The following FHOD3 variants were observed in gnomAD, a reference collection of about 807,000 sequenced individuals.
FHOD3 encodes formin homology 2 domain containing 3, also known as FH1/FH2 domain-containing protein 3.
A neutral mutation model predicts 173.0 loss-of-function variants in FHOD3; 90 were observed. The ratio of observed to expected loss-of-function variants is 0.52; its 90% CI spans 0.44 to 0.62. The LOEUF is 0.62. Among genes scored for constraint, FHOD3 ranks in the 20% least tolerant of loss-of-function variants. FHOD3 has a pLI of 0.00. For missense variants in FHOD3, 1,945 were observed against 2,034.7 expected (o/e 0.96, Z 0.85); for synonymous variants, 828 against 823.0 (o/e 1.01, Z -0.10).
chr18:36,744,085 A>G lies in FHOD3; in HGVS notation c.3933A>G (p.Thr1311=). The change falls in exon 23 of 29, where the codon ACA becomes ACG. Residue 1311 remains threonine, a synonymous_variant. Transcript: ENST00000590592. ...YLEKVPEVKD[T]VHKQSLLHHV... is the part of the protein sequence containing the mutation. Reference sequence around the variant, plus strand: ...AGAAGGTTCCAGAAGTCAAAGACACAGTGCACAAGCAGTCGCTTCTCCACC... The same window carrying G: ...AGAAGGTTCCAGAAGTCAAAGACACGGTGCACAAGCAGTCGCTTCTCCACC... 2 of 1,614,228 alleles carry G rather than the reference A, an allele frequency of 1.2e-6. No individual in the cohort carries two copies. Among genetic ancestry groups the G allele is most frequent in the Non-Finnish European group, 1.7e-6 (2 of 1,180,042 alleles).
chr18:36,310,449 G>T (rs1445798306), intron 1 of FHOD3, among the ~76,000 whole-genome samples: 1 of 152,138 alleles, frequency 6.6e-6, no homozygotes, highest in Non-Finnish European at 1.5e-5. Flanking sequence ...ACTTCAGGAG[G>T]TTGAGGTGGG....
At chr18:36,678,378 A>G (rs1021219076) in intron 14 of FHOD3, among the ~76,000 whole-genome samples, 3 of 151,962 alleles carry the variant, frequency 2.0e-5, no homozygotes, top group Non-Finnish European at 4.4e-5. Flanking sequence ...CTCTACAAAA[A>G]ACACAAAAAT....
At chr18:36,599,829 C>T (rs749124413) in intron 7 of FHOD3, among the ~76,000 whole-genome samples, 44 of 152,064 alleles carry the variant, frequency 2.9e-4, no homozygotes, top group Non-Finnish European at 5.1e-4. Flanking sequence ...ATTTGAGTAT[C>T]TATCATGTAA....
chr18:36,374,929 T>A (rs2047365502), intron 3 of FHOD3, among the ~76,000 whole-genome samples: 1 of 152,246 alleles, frequency 6.6e-6, no homozygotes, highest in Non-Finnish European at 1.5e-5. Flanking sequence ...TTATGTCAGA[T>A]GAGAGGATTT....
At chr18:36,462,117 G>T (rs2052590032) in intron 3 of FHOD3, among the ~76,000 whole-genome samples, 1 of 152,122 alleles carries the variant, frequency 6.6e-6, no homozygotes, top group Non-Finnish European at 1.5e-5. Context: ...AGTAGAAAGT[G>T]CTGAGCTGCC....
chr18:36,642,852 A>T (rs28503550), intron 10 of FHOD3, among the ~76,000 whole-genome samples: 10,767 of 152,032 alleles, frequency 0.071, 663 homozygotes, highest in East Asian at 0.24. Flanking sequence ...ATATGTGTTT[A>T]TCACTGTCTT....
At chr18:36,415,607 T>C (rs2049596888) in intron 3 of FHOD3, among the ~76,000 whole-genome samples, 1 of 152,238 alleles carries the variant, frequency 6.6e-6, no homozygotes, top group African/African-American at 2.4e-5. Context: ...ACTTAATTGG[T>C]TGATTATTTT....
chr18:36,770,321 A>G (rs1368449421), intron 28 of FHOD3, among the ~76,000 whole-genome samples: 1 of 152,244 alleles, frequency 6.6e-6, no homozygotes, highest in Non-Finnish European at 1.5e-5. Flanking sequence ...CCAGCTAGGC[A>G]GGGAGTTGAG....
chr18:36,520,186 T>C (rs1245976260), intron 5 of FHOD3, among the ~76,000 whole-genome samples: 1 of 152,298 alleles, frequency 6.6e-6, no homozygotes. Flanking sequence ...CTCAAACTCC[T>C]GGTCTCAAGA....
intron 5 of FHOD3, among the ~76,000 whole-genome samples, chr18:36,575,436 G>A (rs1254495587): frequency 6.6e-6 from 1 of 152,168 alleles, no homozygotes; most frequent in African/African-American, 2.4e-5. Context: ...TAAACTTTGT[G>A]TGTGTTTGTA....
chr18:36,642,987 C>G (rs2035439772), intron 10 of FHOD3, among the ~76,000 whole-genome samples: 1 of 150,618 alleles, frequency 6.6e-6, no homozygotes, highest in African/African-American at 2.5e-5. Context: ...TTCTGATTTT[C>G]TGCACTTTGT....
At chr18:36,476,583 A>G (rs1691907165) in intron 3 of FHOD3, among the ~76,000 whole-genome samples, 1 of 152,188 alleles carries the variant, frequency 6.6e-6, no homozygotes, top group African/African-American at 2.4e-5. Flanking sequence ...CTCAGTGCTC[A>G]TTATGTTGAA....
chr18:36,470,654 A>G (rs994483334), intron 3 of FHOD3, among the ~76,000 whole-genome samples: 10 of 152,186 alleles, frequency 6.6e-5, no homozygotes, highest in African/African-American at 2.4e-4. Context: ...GGATCCAATC[A>G]TTGGCTTTGT....
At chr18:36,410,514 A>G (rs114489079) in intron 3 of FHOD3, among the ~76,000 whole-genome samples, 28 of 152,168 alleles carry the variant, frequency 1.8e-4, no homozygotes, top group African/African-American at 6.3e-4. Context: ...TGTACCTAGA[A>G]TGGGATGGTT....
Position 36,747,130 on chromosome 18 carries a change from C to A in FHOD3, c.4227C>A (p.Ile1409=), listed in dbSNP as rs1171158532. 3 of 1,606,870 alleles carry A rather than the reference C, an allele frequency of 1.9e-6. No homozygotes were observed. The highest frequency in any genetic ancestry group is 2.5e-6 in the Non-Finnish European group (3 of 1,176,662). Residue 1409 remains isoleucine, a synonymous_variant, in exon 24 of 29, where the codon ATC becomes ATA. Transcript: ENST00000590592. The part of the protein sequence containing the change: ...IILKIVHRRI[I]NRFHSFLLFM... The stretch of plus-strand genomic sequence containing the variant: ...TAAAGATTGTCCATAGAAGGATAAT[C>A]AACAGGTAAGTGGATTGAGGAACTT...
chr18:36,567,907 A>T (rs1479745037), intron 5 of FHOD3, among the ~76,000 whole-genome samples: 1 of 152,074 alleles, frequency 6.6e-6, no homozygotes, highest in Non-Finnish European at 1.5e-5. Context: ...ACTCACTCAC[A>T]GAAGTCTGGT....
intron 1 of FHOD3, among the ~76,000 whole-genome samples, chr18:36,307,819 GGA>G (rs1419931519): frequency 2.0e-5 from 3 of 152,160 alleles, no homozygotes; most frequent in African/African-American, 7.2e-5. Flanking sequence ...GGATACATTT[GGA>G]GACTACAGAA....
chr18:36,776,944 C>G (rs1364381978), intron 28 of FHOD3, among the ~76,000 whole-genome samples: 1 of 152,192 alleles, frequency 6.6e-6, no homozygotes, highest in Non-Finnish European at 1.5e-5. Flanking sequence ...TGACCGGGCC[C>G]TTATTCGAGT....
intron 19 of FHOD3, among the ~76,000 whole-genome samples, chr18:36,722,685 G>A (rs2040851237): frequency 6.6e-6 from 1 of 152,020 alleles, no homozygotes; most frequent in Non-Finnish European, 1.5e-5. Context: ...GCTCACTACG[G>A]CCTCAAACTC....
Sources: allele counts gnomAD v4.1 joint callset (sites outside exome capture counted in the v4.1 genomes callset), GRCh38; gene constraint gnomAD v4.1.1; transcripts MANE v1.5; gene names NCBI Gene and HGNC (gene_info 2026-07-23, HGNC 2026-07-21).